CCNJL: variants seen among roughly 807,000 people sequenced by gnomAD.
CCNJL encodes the protein cyclin-J-like protein.
CCNJL carries 33 observed loss-of-function variants against 33.4 expected under a neutral mutation model. That is an observed-to-expected ratio of 0.99 (90% CI 0.75 to 1.32). CCNJL has a LOEUF of 1.32. CCNJL is among the 40% of genes most tolerant of loss of function. The probability of loss-of-function intolerance (pLI) is 0.00; values close to 1 mark genes in which losing one functional copy is unlikely to be tolerated. For missense variants in CCNJL, 512 were observed against 499.7 expected (o/e 1.02, Z -0.23); for synonymous variants, 227 against 220.9 (o/e 1.03, Z -0.24).
intron 2 of CCNJL, among the ~76,000 whole-genome samples, chr5:160,289,867 C>T (rs769412646): frequency 7.2e-5 from 11 of 152,172 alleles, no homozygotes; most frequent in African/African-American, 2.4e-4. Flanking sequence ...TGGGCTCAGA[C>T]GTGCCCGGGA....
At chr5:160,256,698 A>G (rs1761077025) in intron 4 of CCNJL, among the ~76,000 whole-genome samples, 1 of 152,146 alleles carries the variant, frequency 6.6e-6, no homozygotes, top group Non-Finnish European at 1.5e-5. Flanking sequence ...CAGGTGGATC[A>G]CGAGGTCAGG....
intron 1 of CCNJL, chr5:160,339,360 A>AAC (rs1763721851): frequency 9.6e-6 from 2 of 209,074 alleles, no homozygotes; most frequent in South Asian, 8.7e-5. Flanking sequence ...CATGCAAAAC[A>AAC]AAAAAAAAAA....
At chr5:160,311,090 A>T (rs1026658180) in intron 2 of CCNJL, among the ~76,000 whole-genome samples, 1 of 152,062 alleles carries the variant, frequency 6.6e-6, no homozygotes, top group Non-Finnish European at 1.5e-5. Flanking sequence ...GGCAAGACAC[A>T]CAGGCCATGC....
chr5:160,269,013 C>A (rs1044929276), intron 3 of CCNJL, among the ~76,000 whole-genome samples: 5 of 152,244 alleles, frequency 3.3e-5, no homozygotes, highest in Non-Finnish European at 7.3e-5. Flanking sequence ...TGAAAGCAAG[C>A]CCATTTCTGA....
intron 2 of CCNJL, among the ~76,000 whole-genome samples, chr5:160,282,093 G>C (rs936270337): frequency 1.3e-5 from 2 of 152,178 alleles, no homozygotes; most frequent in African/African-American, 4.8e-5. Context: ...GGCTCACAAC[G>C]GGATGAGATC....
In CCNJL at chr5:160,288,858, A is replaced by T. The variant is rs114983732; in HGVS notation, c.67-8120T>A. Among the ~76,000 whole-genome samples the T allele has an allele frequency of 6.4e-3, 964 of 151,372 alleles. 4 individuals are homozygous for T. Among genetic ancestry groups the T allele is most frequent in the Non-Finnish European group, 0.01 (693 of 67,854 alleles). ...AAAAAAAAAAAAAAAAAAAAGAATA[A>T]CATCACTCATATTCCCTCACTTAGA... On this transcript the variant is annotated intron_variant, in intron 2 of 5. Coordinates refer to ENST00000257536, the MANE Select transcript of CCNJL (RefSeq NM_001308173.3).
At chr5:160,281,401 C>T (rs561223542) in intron 2 of CCNJL, 9 of 155,578 alleles carry the variant, frequency 5.8e-5, no homozygotes, top group African/African-American at 2.2e-4. Context: ...CATGCATATA[C>T]ATTTTTTTTC....
At chr5:160,329,253 A>C (rs1475763256) in intron 1 of CCNJL, among the ~76,000 whole-genome samples, 3 of 152,148 alleles carry the variant, frequency 2.0e-5, no homozygotes, top group Non-Finnish European at 4.4e-5. Flanking sequence ...TAGTCAAACT[A>C]AACTTAGAAA....
At chr5:160,299,987 T>C (rs1453947770) in intron 2 of CCNJL, among the ~76,000 whole-genome samples, 2 of 152,266 alleles carry the variant, frequency 1.3e-5, no homozygotes, top group Non-Finnish European at 2.9e-5. Flanking sequence ...TCTCTCCAAC[T>C]TTCCCTTACA....
intron 1 of CCNJL, among the ~76,000 whole-genome samples, chr5:160,338,007 T>G (rs1167422556): frequency 6.6e-6 from 1 of 152,192 alleles, no homozygotes; most frequent in Admixed American, 6.5e-5. Context: ...CTCAGCTGTA[T>G]CAATCAAGCA....
At chr5:160,300,836 T>C (rs1483635882) in intron 2 of CCNJL, among the ~76,000 whole-genome samples, 2 of 152,194 alleles carry the variant, frequency 1.3e-5, no homozygotes, top group East Asian at 3.8e-4. Flanking sequence ...CTGCTCCTTT[T>C]AAACACAGCC....
intron 1 of CCNJL, among the ~76,000 whole-genome samples, chr5:160,324,620 A>ACTGT (rs112033614): frequency 0.015 from 1,179 of 79,522 alleles, 12 homozygotes; most frequent in African/African-American, 0.057. Context: ...CACACAAAAA[A>ACTGT]CTGTCTGTCT....
intron 3 of CCNJL, among the ~76,000 whole-genome samples, chr5:160,267,408 T>C (rs373683081): frequency 1.1e-4 from 17 of 152,350 alleles, no homozygotes; most frequent in Admixed American, 3.9e-4. Flanking sequence ...GTCTGCTCCA[T>C]GAGGGTAGGG....
At position 160,259,577 on chromosome 5, in the gene CCNJL, C is replaced by G. The variant is rs772857353; in HGVS notation, c.475G>C (p.Val159Leu). Residue 159 changes from valine to leucine, a missense_variant, in exon 4 of 6, where the codon GTC (valine) becomes CTC (leucine). Coordinates refer to ENST00000257536, the MANE Select transcript of CCNJL (RefSeq NM_001308173.3). The part of the protein sequence containing the change: ...HFLDYYLLAS[V>L]SQKDHHCHTW... ...TGGCAGTGGTGGTCCTTCTGGCTGACGGAGGCCAAGAGGTAGTAGTCCAGG... is the reference window on the plus strand; with the variant it reads ...TGGCAGTGGTGGTCCTTCTGGCTGAGGGAGGCCAAGAGGTAGTAGTCCAGG... The G allele has an allele frequency of 6.2e-7, 1 of 1,614,136 alleles. No individual in the cohort carries two copies.
intron 2 of CCNJL, among the ~76,000 whole-genome samples, chr5:160,300,989 C>T (rs1235864076): frequency 1.3e-5 from 2 of 152,162 alleles, no homozygotes; most frequent in Non-Finnish European, 2.9e-5. Flanking sequence ...GAATGTATTA[C>T]CTGGTGATAT....
At chr5:160,304,177 AC>A (rs2113436674) in intron 2 of CCNJL, among the ~76,000 whole-genome samples, 1 of 152,378 alleles carries the variant, frequency 6.6e-6, no homozygotes, top group Admixed American at 6.5e-5. Context: ...GGTATCGTGC[AC>A]ACACTGAGCA....
At chr5:160,300,457 G>A (rs1025646319) in intron 2 of CCNJL, among the ~76,000 whole-genome samples, 1 of 152,022 alleles carries the variant, frequency 6.6e-6, no homozygotes, top group Non-Finnish European at 1.5e-5. Flanking sequence ...ACAGACCATG[G>A]GCCCCATGCT....
intron 1 of CCNJL, among the ~76,000 whole-genome samples, chr5:160,335,891 T>C (rs532710954): frequency 2.6e-4 from 39 of 152,242 alleles, no homozygotes; most frequent in African/African-American, 9.4e-4. Context: ...GACCCCTTGC[T>C]CTTTTTAACA....
Position 160,252,716 on chromosome 5 carries a change from C to T in CCNJL, c.*662G>A, listed in dbSNP as rs1332344941. ...GGAATTTTCAAGTATCACCAAATCC[C>T]TGATACAGTGTGTAAACAAGACATC... On this transcript the variant is annotated 3_prime_UTR_variant, in exon 6 of 6. Transcript: ENST00000257536. 5 of 152,632 alleles carry T rather than the reference C, an allele frequency of 3.3e-5. No homozygotes were observed. Among genetic ancestry groups the T allele is most frequent in the African/African-American group, 4.8e-5 (2 of 41,440 alleles). The allele number at this position is 152,632 out of a possible 1,614,324, so 9.5% of individuals were successfully genotyped here. A position where few individuals can be genotyped will look rare whatever the true frequency, so the allele number is the denominator to read the frequency against.
Sources: gnomAD v4.1 joint callset for allele counts (sites outside exome capture counted in the v4.1 genomes callset) on GRCh38, gnomAD v4.1.1 for gene constraint, MANE v1.5 for transcripts, NCBI Gene and HGNC (gene_info 2026-07-23, HGNC 2026-07-21) for gene names.